Variants in WDR11 observed in about 807,000 individuals in gnomAD.
WDR11 encodes WD repeat-containing protein 11.
In WDR11, 83 loss-of-function variants were observed where a neutral mutation model predicts 151.2. The observed-to-expected ratio is 0.55, with a 90% CI of 0.46 to 0.66. WDR11 has a LOEUF of 0.66. WDR11 is among the 30% of genes least tolerant of loss of function. The pLI, the probability that WDR11 is intolerant of heterozygous loss-of-function variation, is 0.00. For synonymous variants in WDR11, 484 were observed against 533.1 expected (o/e 0.91, Z 1.27); for missense variants, 1,301 against 1,480.9 (o/e 0.88, Z 1.99).
intron 27 of WDR11, 143 bp from the exon 28 acceptor site, chr10:120,906,633 T>TTTTTTTTTTTG: frequency 6.5e-7 from 1 of 1,538,538 alleles, no homozygotes; most frequent in African/African-American, 1.4e-5. Flanking sequence ...TTCAACAAAC[T>TTTTTTTTTTTG]AGGGCTTAGA....
intron 19 of WDR11, 119 bp from the exon 20 acceptor site, chr10:120,899,910 C>G (rs1169473160): frequency 1.3e-6 from 1 of 786,060 alleles, no homozygotes; most frequent in African/African-American, 1.7e-5. Flanking sequence ...AATATACTCT[C>G]AGTTGTTCCA....
chr10:120,859,328 C>T (rs895354036), intron 3 of WDR11, among the ~76,000 whole-genome samples: 2 of 146,026 alleles, frequency 1.4e-5, no homozygotes, highest in Non-Finnish European at 3.0e-5. Context: ...AGTACAGTGG[C>T]GCTATCTCGG....
chr10:120,874,208 GT>G (rs774703656), intron 11 of WDR11, among the ~76,000 whole-genome samples: 19 of 91,918 alleles, frequency 2.1e-4, no homozygotes, highest in Admixed American at 5.0e-4. Context: ...TGTTGTTGTT[GT>G]TTGTTTTGTT....
chr10:120,874,489 C>T (rs1475327573), intron 11 of WDR11, among the ~76,000 whole-genome samples: 3 of 150,778 alleles, frequency 2.0e-5, no homozygotes, highest in South Asian at 2.1e-4. Flanking sequence ...GTTTGCTGCA[C>T]CTGTCAACCC....
intron 16 of WDR11, among the ~76,000 whole-genome samples, chr10:120,887,691 G>T (rs2060898494): frequency 6.6e-6 from 1 of 152,126 alleles, no homozygotes; most frequent in Non-Finnish European, 1.5e-5. Flanking sequence ...TGTTGACGAG[G>T]GACCTTAGTT....
chr10:120,907,808 C>CTTT lies in WDR11; in HGVS notation c.3518-736_3518-734dup, dbSNP rs33999355. On this transcript the variant is annotated intron_variant, in intron 28 of 28. Coordinates refer to ENST00000263461, the MANE Select transcript of WDR11 (RefSeq NM_018117.12). ...CATAGGTCCACACCATTGTGCCTGG[C>CTTT]TTTTTTTTTTTTTTGGTAGTAACCC... is the stretch of plus-strand genomic sequence containing the variant. 74 of 138,842 alleles carry CTTT rather than the reference C, an allele frequency of 5.3e-4. 2 individuals are homozygous for CTTT. Among genetic ancestry groups the CTTT allele is most frequent in the African/African-American group, 1.9e-3 (70 of 37,154 alleles). The allele number at this position is 138,842 out of a possible 1,614,324, so 8.6% of individuals were successfully genotyped here. A position where few individuals can be genotyped will look rare whatever the true frequency, so the allele number is the denominator to read the frequency against.
At chr10:120,865,840 T>C in intron 7 of WDR11, 96 bp downstream of exon 7, 1 of 801,834 alleles carries the variant, frequency 1.2e-6, no homozygotes, top group Non-Finnish European at 2.1e-6. Context: ...TAGTTAATGA[T>C]ACTCCTTGCT....
At chr10:120,882,550 T>TTTTTA (rs1847053850) in intron 13 of WDR11, among the ~76,000 whole-genome samples, 1 of 151,736 alleles carries the variant, frequency 6.6e-6, no homozygotes, top group Non-Finnish European at 1.5e-5. Context: ...TTTTGTTTTT[T>TTTTTA]TTTTTCATAA....
chr10:120,906,614 C>T, intron 27 of WDR11, 162 bp from the exon 28 acceptor site: 2 of 1,492,640 alleles, frequency 1.3e-6, no homozygotes, highest in Non-Finnish European at 1.8e-6. Context: ...AGTATTCTTC[C>T]CTCCTTTTTT....
chr10:120,893,573 C>T (rs1847499663), intron 19 of WDR11, among the ~76,000 whole-genome samples: 1 of 149,230 alleles, frequency 6.7e-6, no homozygotes, highest in African/African-American at 2.5e-5. Flanking sequence ...AGTTCTAGAT[C>T]CCTGAGGAAT....
At position 120,874,222 on chromosome 10, in the gene WDR11, G is replaced by GTT. The variant is rs150658583; in HGVS notation, c.1556+302_1556+303dup. On this transcript the variant is annotated intron_variant, in intron 11 of 28. Coordinates refer to ENST00000263461, the MANE Select transcript of WDR11 (RefSeq NM_018117.12). ...TTGTTGTTGTTGTTTGTTTTGTTTT[G>GTT]TTTTGTTTTTTTTAAATGGCAAAAA... Among the ~76,000 whole-genome samples, 142 of 100,626 alleles carry GTT rather than the reference G, an allele frequency of 1.4e-3. 3 individuals are homozygous for GTT. Among genetic ancestry groups the GTT allele is most frequent in the African/African-American group, 3.6e-3 (95 of 26,286 alleles). 66.0% of individuals were successfully genotyped at this position (100,626 alleles called of 152,430 possible). A position where few individuals can be genotyped will look rare whatever the true frequency, so the allele number is the denominator to read the frequency against.
chr10:120,889,733 G>T, intron 17 of WDR11, 162 bp from the exon 18 acceptor site: 1 of 661,664 alleles, frequency 1.5e-6, no homozygotes, highest in Non-Finnish European at 2.7e-6. Flanking sequence ...ACCTTAAAGG[G>T]CAGGCCCTTT....
intron 23 of WDR11, among the ~76,000 whole-genome samples, chr10:120,903,614 T>C (rs751565291): frequency 6.6e-6 from 1 of 152,214 alleles, no homozygotes; most frequent in African/African-American, 2.4e-5. Context: ...CTGCGTTGTT[T>C]ACTAAACATT....
At chr10:120,898,211 C>A (rs1353964048) in intron 19 of WDR11, among the ~76,000 whole-genome samples, 2 of 152,046 alleles carry the variant, frequency 1.3e-5, no homozygotes, top group East Asian at 3.8e-4. Flanking sequence ...TAAAATTATT[C>A]ATTCTTCAAA....
In WDR11 at chr10:120,883,905, GAATTT is replaced by G; in HGVS notation, c.1848+21_1848+25del. 1 of 1,585,058 alleles carries G rather than the reference GAATTT, an allele frequency of 6.3e-7. No individual in the cohort carries two copies. Among genetic ancestry groups the G allele is most frequent in the Non-Finnish European group, 8.7e-7 (1 of 1,154,418 alleles). On this transcript the variant is annotated intron_variant, in intron 14 of 28. Transcript: ENST00000263461. ...ACTGCTTTGGTAAGTTACAATTTAA[GAATTT>G]AATAGCTTATTTAGGTATATATGTA...
chr10:120,888,005 A>C (rs942992301), intron 16 of WDR11, among the ~76,000 whole-genome samples: 1 of 152,086 alleles, frequency 6.6e-6, no homozygotes, highest in Admixed American at 6.5e-5. Flanking sequence ...TTTCTTGACT[A>C]TTACCAGAGT....
At chr10:120,879,741 A>G (rs1466042969) in intron 12 of WDR11, 3 of 152,154 alleles carry the variant, frequency 2.0e-5, no homozygotes, top group African/African-American at 7.2e-5. Flanking sequence ...TTGGGGTATA[A>G]TAATAGTGAG....
chr10:120,885,052 T>C (rs1174819981), intron 14 of WDR11: 4 of 152,350 alleles, frequency 2.6e-5, no homozygotes, highest in Admixed American at 1.3e-4. Flanking sequence ...AACACAGACA[T>C]CTTCTGTGTC....
chr10:120,852,049 C>A (rs895343419), intron 1 of WDR11: 11 of 223,060 alleles, frequency 4.9e-5, no homozygotes, highest in Admixed American at 5.3e-5. Context: ...TACTGCAGCT[C>A]TGAAAACTAC....
Sources: allele counts gnomAD v4.1 joint callset (sites outside exome capture counted in the v4.1 genomes callset), GRCh38; gene constraint gnomAD v4.1.1; transcripts MANE v1.5; gene names NCBI Gene and HGNC (gene_info 2026-07-23, HGNC 2026-07-21).